Variants in EPHA4 observed in about 807,000 individuals in gnomAD.
EPHA4 encodes EPH receptor A4, also known as ephrin type-A receptor 4.
A neutral mutation model predicts 108.3 loss-of-function variants in EPHA4; 19 were observed. The observed-to-expected ratio is 0.18, with a 90% CI of 0.12 to 0.26. The LOEUF is 0.26. Ranked by LOEUF, EPHA4 falls within the 10% of genes least tolerant of loss-of-function variation. EPHA4 has a pLI of 1.00. For missense variants in EPHA4, 917 were observed against 1,254.0 expected, an observed-to-expected ratio of 0.73 and a Z score of 4.06; for synonymous variants, 449 against 455.5, an observed-to-expected ratio of 0.99 and a Z score of 0.18.
chr2:221,532,038 C>T (rs748524453), intron 3 of EPHA4, among the ~76,000 whole-genome samples: 1 of 152,128 alleles, frequency 6.6e-6, no homozygotes, highest in African/African-American at 2.4e-5. Context: ...CAAAGGAGAG[C>T]TCACTGAGAC....
At position 221,525,323 on chromosome 2, in the gene EPHA4, G is replaced by C. The variant is rs1423347688; in HGVS notation, c.824-24151C>G. Among the ~76,000 whole-genome samples the C allele has an allele frequency of 2.0e-5, 3 of 152,186 alleles. No homozygotes were observed. In the South Asian group the frequency reaches 6.2e-4, roughly 32 times the overall value. Reference sequence around the variant, plus strand: ...CACAACATGTAGATTAAGTTAAAAGGTTAATTTTCTGACTCGTGGTCTGGA... The same window carrying C: ...CACAACATGTAGATTAAGTTAAAAGCTTAATTTTCTGACTCGTGGTCTGGA... On this transcript the variant is annotated intron_variant, in intron 3 of 17. Transcript: ENST00000281821.
At chr2:221,543,019 GCT>G (rs1693884244) in intron 3 of EPHA4, among the ~76,000 whole-genome samples, 1 of 152,130 alleles carries the variant, frequency 6.6e-6, no homozygotes, top group South Asian at 2.1e-4. Context: ...CTATATGTAT[GCT>G]CTTTCTCGTT....
At chr2:221,465,169 G>A (rs1399375732) in intron 5 of EPHA4, among the ~76,000 whole-genome samples, 1 of 152,000 alleles carries the variant, frequency 6.6e-6, no homozygotes, top group Non-Finnish European at 1.5e-5. Context: ...GGATACAATT[G>A]ACTCATGCTG....
chr2:221,492,339 GAA>G (rs760375386), intron 4 of EPHA4, among the ~76,000 whole-genome samples: 10 of 151,576 alleles, frequency 6.6e-5, no homozygotes, highest in Admixed American at 6.6e-4. Context: ...AGTATGTGGG[GAA>G]AAAAAAGAGG....
chr2:221,473,916 T>C (rs1365877853), intron 5 of EPHA4, among the ~76,000 whole-genome samples: 1 of 152,186 alleles, frequency 6.6e-6, no homozygotes, highest in South Asian at 2.1e-4. Flanking sequence ...GTCAAGTGAT[T>C]ACTGGTGAAT....
chr2:221,422,850 G>GTC (rs1689795866), intron 17 of EPHA4, among the ~76,000 whole-genome samples: 1 of 152,162 alleles, frequency 6.6e-6, no homozygotes. Context: ...TTGTATCACT[G>GTC]TCTTCCCCAT....
At chr2:221,494,409 G>A (rs1692245007) in intron 4 of EPHA4, among the ~76,000 whole-genome samples, 1 of 152,192 alleles carries the variant, frequency 6.6e-6, no homozygotes, top group African/African-American at 2.4e-5. Flanking sequence ...TTCGAGACCA[G>A]CCTGGTCAAC....
At chr2:221,463,149 G>A (rs1042401491) in intron 5 of EPHA4, among the ~76,000 whole-genome samples, 32 of 152,160 alleles carry the variant, frequency 2.1e-4, no homozygotes, top group Admixed American at 6.6e-5. Context: ...CATAGTGTGG[G>A]CGAGCAGCAT....
intron 3 of EPHA4, among the ~76,000 whole-genome samples, chr2:221,526,980 A>G (rs1439398092): frequency 6.6e-6 from 1 of 151,154 alleles, no homozygotes; most frequent in Non-Finnish European, 1.5e-5. Context: ...AAAAAAATTA[A>G]GCCGGGCGTG....
intron 14 of EPHA4, among the ~76,000 whole-genome samples, chr2:221,433,099 C>T (rs1690130174): frequency 6.6e-6 from 1 of 152,126 alleles, no homozygotes; most frequent in Non-Finnish European, 1.5e-5. Flanking sequence ...GCTGGGATTA[C>T]AGGCGTGAGC....
In EPHA4 at chr2:221,518,858, G is replaced by T. The variant is rs1202476928; in HGVS notation, c.824-17686C>A. On this transcript the variant is annotated intron_variant, in intron 3 of 17. Transcript: ENST00000281821. ...AAAGGTGGGAGGAGCAGGGGAGGCA[G>T]AATTGTAATGCTCTCTTGCTTGGGA... Among the ~76,000 whole-genome samples the T allele has an allele frequency of 3.9e-5, 6 of 152,208 alleles. No individual in the cohort carries two copies. In the East Asian group the frequency reaches 1.2e-3, roughly 29 times the overall value.
At chr2:221,471,629 A>T (rs59713644) in intron 5 of EPHA4, among the ~76,000 whole-genome samples, 1,980 of 152,278 alleles carry the variant, frequency 0.013, 46 homozygotes, top group African/African-American at 0.044. Context: ...AGTGAGATAG[A>T]AAGGGCTCTC....
At chr2:221,529,278 G>A (rs1422498981) in intron 3 of EPHA4, among the ~76,000 whole-genome samples, 1 of 152,158 alleles carries the variant, frequency 6.6e-6, no homozygotes, top group African/African-American at 2.4e-5. Flanking sequence ...TGCTGCAGGG[G>A]GCTGATTTTG....
chr2:221,563,763 G>C lies in EPHA4; in HGVS notation c.791C>G (p.Ala264Gly), dbSNP rs766517365. 1 of 1,614,214 alleles carries C rather than the reference G, an allele frequency of 6.2e-7. No individual in the cohort carries two copies. The change falls in exon 3 of 18, where the codon GCT becomes GGT. Residue 264 changes from alanine to glycine, a missense_variant. Physicochemically the swap from Ala to Gly is moderately conservative, Grantham distance 60. Around this residue, in one of 3 missense-constraint regions of EPHA4, gnomAD observed 758 missense variants for 1,076.7 expected, o/e 0.70. Coordinates refer to ENST00000281821, the MANE Select transcript of EPHA4 (RefSeq NM_004438.5). ...LVPIGNCLCN[A>G]GHEERSGECQ... ...TTCTCCGCTCCGCTCCTCATGCCCA[G>C]CGTTGCATAGGCAGTTGCCAATGGG... is the stretch of plus-strand genomic sequence containing the variant.
At chr2:221,479,916 G>A (rs1691766799) in intron 5 of EPHA4, among the ~76,000 whole-genome samples, 1 of 152,240 alleles carries the variant, frequency 6.6e-6, no homozygotes, top group South Asian at 2.1e-4. Flanking sequence ...ATTTTGTCCT[G>A]TTCAGCAAAC....
intron 8 of EPHA4, among the ~76,000 whole-genome samples, chr2:221,451,039 C>A (rs1690769254): frequency 6.6e-6 from 1 of 152,080 alleles, no homozygotes; most frequent in Non-Finnish European, 1.5e-5. Context: ...CATGGTGAAA[C>A]CCTGTCTCTA....
chr2:221,460,873 T>C (rs1691116794), intron 5 of EPHA4, among the ~76,000 whole-genome samples: 1 of 152,188 alleles, frequency 6.6e-6, no homozygotes, highest in African/African-American at 2.4e-5. Flanking sequence ...TGCTGCCACA[T>C]CCCTCTGCAG....
chr2:221,498,893 C>T (rs927370157), intron 4 of EPHA4, among the ~76,000 whole-genome samples: 5 of 150,732 alleles, frequency 3.3e-5, no homozygotes, highest in Non-Finnish European at 7.4e-5. Flanking sequence ...CCGGTTCAAG[C>T]AATTCTCTTG....
intron 5 of EPHA4, among the ~76,000 whole-genome samples, chr2:221,461,674 A>G (rs1691149178): frequency 6.6e-6 from 1 of 152,232 alleles, no homozygotes; most frequent in East Asian, 1.9e-4. Flanking sequence ...CCAGATAGAA[A>G]ATAATTGTTG....
Sources: gnomAD v4.1 joint callset for allele counts (sites outside exome capture counted in the v4.1 genomes callset) on GRCh38, gnomAD v4.1.1 for gene constraint, gnomAD v4.1.1 regional missense constraint, MANE v1.5 for transcripts, NCBI Gene and HGNC (gene_info 2026-07-23, HGNC 2026-07-21) for gene names.